Variants in CNBD1 observed in about 807,000 individuals in gnomAD.
CNBD1 encodes the protein cyclic nucleotide-binding domain-containing protein 1.
In CNBD1, 71 loss-of-function variants were observed where a neutral mutation model predicts 54.4. The ratio of observed to expected loss-of-function variants is 1.30; its 90% CI spans 1.08 to 1.59. The LOEUF is 1.59. CNBD1 is among the 40% of genes most tolerant of loss of function. The probability of loss-of-function intolerance (pLI) is 0.00; values close to 1 mark genes in which losing one functional copy is unlikely to be tolerated. For missense variants in CNBD1, 659 were observed against 518.0 expected, an observed-to-expected ratio of 1.27 and a Z score of -2.64; for synonymous variants, 182 against 170.7, an observed-to-expected ratio of 1.07 and a Z score of -0.51.
intron 4 of CNBD1, among the ~76,000 whole-genome samples, chr8:87,005,197 C>T (rs891462740): frequency 2.6e-5 from 4 of 151,488 alleles, no homozygotes; most frequent in Non-Finnish European, 4.4e-5. Flanking sequence ...TGGTGAAACC[C>T]GGTCTCTACT....
At chr8:87,319,597 A>G (rs1809477235) in intron 8 of CNBD1, among the ~76,000 whole-genome samples, 1 of 152,102 alleles carries the variant, frequency 6.6e-6, no homozygotes, top group East Asian at 1.9e-4. Flanking sequence ...AAAGAACAAA[A>G]CTATTACTAG....
chr8:87,105,629 C>T (rs756951072), intron 4 of CNBD1, among the ~76,000 whole-genome samples: 22 of 152,058 alleles, frequency 1.4e-4, no homozygotes, highest in Admixed American at 5.2e-4. Context: ...AGATGGTATT[C>T]ACTGGGAAAA....
rs1809640444 is a variant in CNBD1 at position 87,325,160 on chromosome 8, C to G, written c.1043-26525C>G. ...AGTTCTAGTTTGATTTCACTGTGGTCTGAGAGATAGTTTGTTATAATTTCT... is the reference window on the plus strand; with the variant it reads ...AGTTCTAGTTTGATTTCACTGTGGTGTGAGAGATAGTTTGTTATAATTTCT... On this transcript the variant is annotated intron_variant, in intron 8 of 10. Transcript: ENST00000518476. 2.1e-5 allele frequency among the ~76,000 whole-genome samples: 2 copies of G among 95,120 alleles called. 1 individual carries two copies. Among genetic ancestry groups the G allele is most frequent in the Non-Finnish European group, 4.1e-5 (2 of 48,780 alleles). The allele number at this position is 95,120 out of a possible 152,430, so 62.4% of individuals were successfully genotyped here.
chr8:87,244,842 G>C lies in CNBD1; in HGVS notation c.771+7730G>C, dbSNP rs138724853. 3.1e-3 allele frequency among the ~76,000 whole-genome samples: 478 copies of C among 152,246 alleles called. 2 individuals are homozygous for C. The highest frequency in any genetic ancestry group is 0.011 in the African/African-American group (447 of 41,554). On this transcript the variant is annotated intron_variant, in intron 6 of 10. Coordinates refer to ENST00000518476, the MANE Select transcript of CNBD1 (RefSeq NM_173538.3). ...GACTTCAAAATGTCAAAGATGAACT[G>C]TGAAATGAGTTTTGATTCAACTAAA...
intron 2 of CNBD1, among the ~76,000 whole-genome samples, chr8:87,413,921 G>T (rs1219782281): frequency 2.6e-5 from 4 of 151,474 alleles, no homozygotes; most frequent in East Asian, 1.9e-4. Context: ...TACACTGTTG[G>T]TGGGACTGTA....
chr8:87,119,717 T>C (rs1811852352), intron 4 of CNBD1, among the ~76,000 whole-genome samples: 1 of 152,154 alleles, frequency 6.6e-6, no homozygotes, highest in Non-Finnish European at 1.5e-5. Flanking sequence ...AGCTATAGAT[T>C]TGTCATATAT....
chr8:86,918,360 C>T (rs868001545), intron 3 of CNBD1, among the ~76,000 whole-genome samples: 39 of 152,170 alleles, frequency 2.6e-4, no homozygotes, highest in African/African-American at 9.4e-4. Context: ...ATGTTTCTTT[C>T]CTCACTGGTT....
intron 5 of CNBD1, among the ~76,000 whole-genome samples, chr8:87,220,307 C>A (rs937660740): frequency 6.6e-6 from 1 of 151,204 alleles, no homozygotes; most frequent in Admixed American, 6.6e-5. Flanking sequence ...GTTTGCCTTA[C>A]CAATAGTCCT....
chr8:86,949,532 T>C (rs1807552277), intron 4 of CNBD1, among the ~76,000 whole-genome samples: 1 of 152,178 alleles, frequency 6.6e-6, no homozygotes, highest in African/African-American at 2.4e-5. Flanking sequence ...TTTTTTGATT[T>C]GTTTTTCAAA....
At chr8:87,331,101 A>G (rs886500294) in intron 8 of CNBD1, among the ~76,000 whole-genome samples, 12 of 152,068 alleles carry the variant, frequency 7.9e-5, no homozygotes, top group Non-Finnish European at 8.8e-5. Flanking sequence ...CAGAACATGA[A>G]GGTTTGTTAC....
At chr8:87,196,512 T>C (rs1383510390) in intron 4 of CNBD1, among the ~76,000 whole-genome samples, 1 of 152,232 alleles carries the variant, frequency 6.6e-6, no homozygotes, top group Non-Finnish European at 1.5e-5. Context: ...TCAAAGTCTC[T>C]TCTTATCAGC....
chr8:86,974,768 A>C (rs1808302465), intron 4 of CNBD1, among the ~76,000 whole-genome samples: 1 of 152,016 alleles, frequency 6.6e-6, no homozygotes, highest in African/African-American at 2.4e-5. Flanking sequence ...AAGAAAATCA[A>C]ATTTCTTGGA....
At chr8:87,273,402 G>C (rs1401133196) in intron 6 of CNBD1, among the ~76,000 whole-genome samples, 1 of 151,860 alleles carries the variant, frequency 6.6e-6, no homozygotes, top group African/African-American at 2.4e-5. Context: ...AAATCTACCT[G>C]AACAGAAAAG....
intron 4 of CNBD1, among the ~76,000 whole-genome samples, chr8:87,160,303 G>A (rs1056440468): frequency 6.6e-6 from 1 of 151,824 alleles, no homozygotes; most frequent in African/African-American, 2.4e-5. Context: ...CACAGGTATA[G>A]ATTATTAAAA....
intron 8 of CNBD1, among the ~76,000 whole-genome samples, chr8:87,312,218 T>C (rs1809282716): frequency 6.6e-6 from 1 of 152,074 alleles, no homozygotes; most frequent in Non-Finnish European, 1.5e-5. Context: ...AACTACTATA[T>C]CGATATTTTG....
chr8:87,346,124 C>A (rs1458521674), intron 8 of CNBD1, among the ~76,000 whole-genome samples: 2 of 152,060 alleles, frequency 1.3e-5, no homozygotes, highest in African/African-American at 4.8e-5. Context: ...TTACCACAGC[C>A]TCTGCCTCCC....
rs1809582922 is a variant in CNBD1, at chr8:86,938,067, C to A, written c.273-1529C>A. Among the ~76,000 whole-genome samples the A allele has an allele frequency of 5.9e-5, 9 of 152,262 alleles. No individual in the cohort carries two copies. The South Asian group carries it at 1.9e-3, about 32-fold the overall frequency. On this transcript the variant is annotated intron_variant, in intron 3 of 10. Transcript: ENST00000518476. The stretch of plus-strand genomic sequence containing the variant: ...TGAACACTTTGCAGCATAGAAATTT[C>A]TTCTGCTAGATACTCTAAATCATCT...
intron 4 of CNBD1, among the ~76,000 whole-genome samples, chr8:87,087,601 C>T (rs1296123992): frequency 1.3e-5 from 2 of 151,080 alleles, no homozygotes; most frequent in Non-Finnish European, 2.9e-5. Flanking sequence ...GTAGCTGGGA[C>T]TACAGGCGCC....
At chr8:87,408,863 T>C (rs1400661490) in intron 2 of CNBD1, among the ~76,000 whole-genome samples, 1 of 152,120 alleles carries the variant, frequency 6.6e-6, no homozygotes, top group Non-Finnish European at 1.5e-5. Context: ...CCTGCATCCA[T>C]ATAAGACTGC....
Sources: gnomAD v4.1 joint callset for allele counts (sites outside exome capture counted in the v4.1 genomes callset) on GRCh38, gnomAD v4.1.1 for gene constraint, MANE v1.5 for transcripts, NCBI Gene and HGNC (gene_info 2026-07-23, HGNC 2026-07-21) for gene names.